Variants in HSD17B7 observed in about 807,000 individuals in gnomAD.
The protein encoded by HSD17B7 is hydroxysteroid 17-beta dehydrogenase 7.
Under a neutral mutation model 34.1 loss-of-function variants are expected in HSD17B7, and 17 were observed. That is an observed-to-expected ratio of 0.50 (90% CI 0.34 to 0.75). The LOEUF (loss-of-function observed/expected upper bound fraction) is 0.75. HSD17B7 is among the 30% of genes least tolerant of loss of function. HSD17B7 has a pLI of 0.01. For synonymous variants in HSD17B7, 122 were observed against 154.6 expected (o/e 0.79, Z 1.56); for missense variants, 296 against 406.6 (o/e 0.73, Z 2.34).
At chr1:162,804,763 A>G (rs1296525525) in intron 7 of HSD17B7, among the ~76,000 whole-genome samples, 2 of 152,246 alleles carry the variant, frequency 1.3e-5, no homozygotes, top group Admixed American at 6.5e-5. Flanking sequence ...TAGAAGATCA[A>G]GTTGTTATTT....
chr1:162,810,470 T>C (rs928757711), intron 8 of HSD17B7, among the ~76,000 whole-genome samples: 9 of 152,228 alleles, frequency 5.9e-5, no homozygotes, highest in South Asian at 2.1e-4. Context: ...TTAGGTCTGA[T>C]TGGTGCAGAG....
chr1:162,790,829 C>A lies in HSD17B7; in HGVS notation c.29C>A (p.Ala10Asp). The stretch of plus-strand genomic sequence containing the variant: ...CGAAAGGTGGTTTTGATCACCGGGG[C>A]TAGCAGGTGAGGCCTCCTTTGGGTT... The part of the protein sequence containing the change: MRKVVLITG[A>D]SSGIGLALCK... The change falls in exon 1 of 9, where the codon GCT becomes GAT. Residue 10 changes from alanine (A) to aspartate (D), a missense_variant. Physicochemically the swap from Ala to Asp is moderately radical, Grantham distance 126. Transcript: ENST00000254521. 1 of 1,613,844 alleles carries A rather than the reference C, an allele frequency of 6.2e-7. No individual in the cohort carries two copies. The highest frequency in any genetic ancestry group is 8.5e-7 in the Non-Finnish European group (1 of 1,179,876).
chr1:162,811,602 C>A (rs1459138909), intron 8 of HSD17B7, among the ~76,000 whole-genome samples: 1 of 152,180 alleles, frequency 6.6e-6, no homozygotes, highest in African/African-American at 2.4e-5. Context: ...TCTTAAATTT[C>A]TTGCATGTAA....
chr1:162,809,216 G>T (rs1649092115), intron 8 of HSD17B7, among the ~76,000 whole-genome samples: 1 of 152,096 alleles, frequency 6.6e-6, no homozygotes, highest in Non-Finnish European at 1.5e-5. Flanking sequence ...TTCTGCATCT[G>T]TTGAGATAAT....
intron 8 of HSD17B7, among the ~76,000 whole-genome samples, chr1:162,807,933 T>C (rs1466588953): frequency 2.0e-5 from 3 of 152,222 alleles, no homozygotes; most frequent in Non-Finnish European, 4.4e-5. Flanking sequence ...CTTCCTCTGA[T>C]GGTAGTTTCT....
At chr1:162,800,383 T>C (rs1029530263) in intron 5 of HSD17B7, 2 of 429,330 alleles carry the variant, frequency 4.7e-6, no homozygotes, top group Admixed American at 4.9e-5. Flanking sequence ...CGAGGCTGTC[T>C]TGACTTTATA....
At chr1:162,812,198 C>G in intron 8 of HSD17B7, 100 bp from the exon 9 acceptor site, 3 of 1,421,930 alleles carry the variant, frequency 2.1e-6, no homozygotes, top group Non-Finnish European at 1.9e-6. Context: ...CCTGCTGCCT[C>G]CTTTCTTTTT....
At chr1:162,799,365 C>A (rs1648729973) in intron 4 of HSD17B7, 1 of 160,038 alleles carries the variant, frequency 6.2e-6, no homozygotes, top group Admixed American at 6.2e-5. Context: ...CTATCTGGCA[C>A]TACAAGATCC....
intron 7 of HSD17B7, 46 bp from the exon 8 acceptor site, chr1:162,805,348 A>G (rs369238679): frequency 1.5e-4 from 241 of 1,604,202 alleles, no homozygotes; most frequent in Non-Finnish European, 1.8e-4. Flanking sequence ...AGCCTCACTC[A>G]TCTTGGGCAG....
chr1:162,802,255 A>G (rs2490878), intron 5 of HSD17B7, among the ~76,000 whole-genome samples: 1 of 152,214 alleles, frequency 6.6e-6, no homozygotes, highest in Admixed American at 6.5e-5. Context: ...CAACATCAGA[A>G]AATTGTATAT....
At chr1:162,804,166 A>G (rs913273233) in intron 6 of HSD17B7, 101 bp from the exon 7 acceptor site, 8 of 722,814 alleles carry the variant, frequency 1.1e-5, no homozygotes, top group Middle Eastern at 3.5e-4. Context: ...AAAGTGTTCT[A>G]TAATCAGAAA....
chr1:162,803,260 T>C, intron 5 of HSD17B7, 171 bp from the exon 6 acceptor site: 3 of 819,274 alleles, frequency 3.7e-6, no homozygotes, highest in Non-Finnish European at 3.5e-6. Flanking sequence ...TCTTAATACA[T>C]GATTCTTCAA....
chr1:162,803,373 T>C, intron 5 of HSD17B7, 58 bp from the exon 6 acceptor site: 1 of 1,536,940 alleles, frequency 6.5e-7, no homozygotes, highest in Non-Finnish European at 8.9e-7. Flanking sequence ...AGCATGTAGC[T>C]GGACTGAGTC....
rs768389315 is a variant in HSD17B7 at position 162,799,943 on chromosome 1, G to A, written c.642+6G>A. The A allele has an allele frequency of 2.0e-5, 32 of 1,613,206 alleles. 1 individual carries two copies. In the South Asian group the frequency reaches 3.0e-4, roughly 15 times the overall value. Reference sequence around the variant, plus strand: ...ACAGGAACTTCAACCAGCAGGTAAGGCCTGTCTCAGTGATACGGAAATGGC... The same window carrying A: ...ACAGGAACTTCAACCAGCAGGTAAGACCTGTCTCAGTGATACGGAAATGGC... On this transcript the variant is annotated splice_donor_region_variant and intron_variant, in intron 5 of 8. Coordinates refer to ENST00000254521, the MANE Select transcript of HSD17B7 (RefSeq NM_016371.4).
At chr1:162,807,449 C>T (rs149884042) in intron 8 of HSD17B7, among the ~76,000 whole-genome samples, 1,852 of 152,160 alleles carry the variant, frequency 0.012, 27 homozygotes, top group African/African-American at 0.042. Context: ...TGCATCTGTC[C>T]TTATAGCAGC....
intron 3 of HSD17B7, chr1:162,797,278 A>G (rs1648644813): frequency 6.3e-6 from 1 of 159,378 alleles, no homozygotes; most frequent in Non-Finnish European, 1.4e-5. Context: ...AGACAGACAC[A>G]CACACACACT....
Position 162,805,488 on chromosome 1 carries a change from A to G in HSD17B7, c.899A>G (p.Gln300Arg). The change falls in exon 8 of 9, where the codon CAG (glutamine) becomes CGG (arginine). Residue 300 changes from glutamine (Q) to arginine (R), a missense_variant. By Grantham distance (43) the Gln-to-Arg change is conservative. Transcript: ENST00000254521. ...TTTGGAAGAAATTACATTATGACCC[A>G]GAAGGTAAATGTGCTTACATTGTTG... ...TGFGRNYIMT[Q>R]KMDLDEDTAE... 6.2e-7 allele frequency: 1 copy of G among 1,612,728 alleles called. No individual in the cohort carries two copies. The highest frequency in any genetic ancestry group is 8.5e-7 in the Non-Finnish European group (1 of 1,179,132).
chr1:162,808,477 G>C (rs1053063330), intron 8 of HSD17B7, among the ~76,000 whole-genome samples: 1 of 152,052 alleles, frequency 6.6e-6, no homozygotes, highest in Non-Finnish European at 1.5e-5. Context: ...ATATGAACTT[G>C]AAAGTAGTTT....
chr1:162,796,869 G>GT (rs771916961), intron 3 of HSD17B7, among the ~76,000 whole-genome samples, 192 bp downstream of exon 3: 13 of 152,058 alleles, frequency 8.5e-5, no homozygotes, highest in Non-Finnish European at 1.9e-4. Context: ...TGAAAGTCCC[G>GT]TTTTTTATGG....
Sources: gnomAD v4.1 joint callset for allele counts (sites outside exome capture counted in the v4.1 genomes callset) on GRCh38, gnomAD v4.1.1 for gene constraint, MANE v1.5 for transcripts, NCBI Gene and HGNC (gene_info 2026-07-23, HGNC 2026-07-21) for gene names.